CD300E: variants seen among roughly 807,000 people sequenced by gnomAD.
CD300E encodes the protein CMRF35-like molecule 2.
Under a neutral mutation model 20.9 loss-of-function variants are expected in CD300E, and 14 were observed. The observed-to-expected ratio is 0.67, with a 90% CI of 0.44 to 1.05. CD300E has a LOEUF of 1.05. CD300E is among the 50% of genes least tolerant of loss of function. The pLI, the probability that CD300E is intolerant of heterozygous loss-of-function variation, is 0.00. For missense variants in CD300E, 237 were observed against 253.9 expected (o/e 0.93, Z 0.45); for synonymous variants, 102 against 103.7 (o/e 0.98, Z 0.10).
chr17:74,612,900 A>G (rs2030815560), intron 3 of CD300E, 127 bp from the exon 4 acceptor site: 2 of 1,302,976 alleles, frequency 1.5e-6, no homozygotes, highest in Non-Finnish European at 2.1e-6. Flanking sequence ...GAAAGGACCT[A>G]TGCCAGGGCA....
intron 1 of CD300E, among the ~76,000 whole-genome samples, chr17:74,621,067 G>A (rs374496897): frequency 1.1e-4 from 16 of 151,912 alleles, no homozygotes; most frequent in African/African-American, 3.9e-4. Context: ...AAGAAGAAGA[G>A]GAAAGAAAAA....
chr17:74,622,784 G>C (rs2031048268), intron 1 of CD300E, among the ~76,000 whole-genome samples: 1 of 151,324 alleles, frequency 6.6e-6, no homozygotes, highest in Non-Finnish European at 1.5e-5. Context: ...ACCCAGGCCA[G>C]ACTGCTGCAG....
rs77873791 is a variant in CD300E, at chr17:74,617,155, G to A, written c.351C>T (p.Arg117=). 1.7e-4 allele frequency: 281 copies of A among 1,614,134 alleles called. 2 individuals are homozygous for A. The East Asian group carries it at 3.7e-3, about 21-fold the overall frequency. The part of the protein sequence containing the change: ...QTVWVLDSWS[R]DPSDLVRVYV... Reference sequence around the variant, plus strand: ...ACACCCTAACCAGGTCCGAGGGATCGCGTGACCATGAATCCAGGACCCACA... The same window carrying A: ...ACACCCTAACCAGGTCCGAGGGATCACGTGACCATGAATCCAGGACCCACA... The change falls in exon 2 of 4, where the codon CGC becomes CGT. Residue 117 remains arginine (R), a synonymous_variant. Transcript: ENST00000392619.
chr17:74,616,380 A>T (rs1455585400), intron 2 of CD300E, among the ~76,000 whole-genome samples: 8 of 152,134 alleles, frequency 5.3e-5, no homozygotes, highest in Non-Finnish European at 1.2e-4. Context: ...GAGAGTAGAA[A>T]ATAAAGGACA....
At position 74,611,608 on chromosome 17, in the gene CD300E, T is replaced by C. The variant is rs2030779741; in HGVS notation, c.*1045A>G. 1 of 152,322 alleles carries C rather than the reference T, an allele frequency of 6.6e-6. No individual in the cohort carries two copies. Among genetic ancestry groups the C allele is most frequent in the Admixed American group, 6.5e-5 (1 of 15,288 alleles). 9.4% of individuals were successfully genotyped at this position (152,322 alleles called of 1,614,324 possible). A position where few individuals can be genotyped will look rare whatever the true frequency, so the allele number is the denominator to read the frequency against. ...CTTCACCTCTGTGCCCTCCATCCTG[T>C]CTTTGAAAAACGATATCTGCTCTGC... On this transcript the variant is annotated 3_prime_UTR_variant, in exon 4 of 4. Coordinates refer to ENST00000392619, the MANE Select transcript of CD300E (RefSeq NM_181449.3).
intron 1 of CD300E, 148 bp from the exon 2 acceptor site, chr17:74,617,613 G>T: frequency 1.5e-6 from 1 of 678,176 alleles, no homozygotes; most frequent in Non-Finnish European, 2.5e-6. Flanking sequence ...TAGGACCTAA[G>T]CCAAAGAGTC....
Position 74,623,571 on chromosome 17 carries a change from G to GC in CD300E, c.40+10dup. 6.2e-7 allele frequency: 1 copy of GC among 1,613,996 alleles called. No individual in the cohort carries two copies. Among genetic ancestry groups the GC allele is most frequent in the South Asian group, 1.1e-5 (1 of 91,068 alleles). On this transcript the variant is annotated intron_variant, in intron 1 of 3. Transcript: ENST00000392619. ...GCAAAACCAAGTCCCCAAAGCCACA[G>GC]CCCCACTCACCTGAGAGGCAGAGAA...
Position 74,611,731 on chromosome 17 carries a change from G to A in CD300E, c.*922C>T, listed in dbSNP as rs2030782543. On this transcript the variant is annotated 3_prime_UTR_variant, in exon 4 of 4. Coordinates refer to ENST00000392619, the MANE Select transcript of CD300E (RefSeq NM_181449.3). ...CCTTGTGCATTGGACACCTCCAGGT[G>A]GGGGAATTCCAGGAGTGATATCAGG... is the stretch of plus-strand genomic sequence containing the variant. The A allele has an allele frequency of 1.3e-5, 2 of 152,352 alleles. No homozygotes were observed. Among genetic ancestry groups the A allele is most frequent in the Admixed American group, 6.5e-5 (1 of 15,292 alleles). The allele number at this position is 152,352 out of a possible 1,614,324, so 9.4% of individuals were successfully genotyped here.
In CD300E at chr17:74,613,175, G is replaced by A. The variant is rs550773962; in HGVS notation, c.498-402C>T. 5.9e-5 allele frequency among the ~76,000 whole-genome samples: 9 copies of A among 152,264 alleles called. No homozygotes were observed. In the South Asian group the frequency reaches 1.7e-3, roughly 28 times the overall value. ...GCTGGAGTGCAGTGGTGCAATCATG[G>A]CTCACTGCAGCCTTGACTTCCTGGG... On this transcript the variant is annotated intron_variant, in intron 3 of 3. Transcript: ENST00000392619.
At chr17:74,621,976 TC>T (rs775385347) in intron 1 of CD300E, among the ~76,000 whole-genome samples, 16 of 152,082 alleles carry the variant, frequency 1.1e-4, no homozygotes, top group Admixed American at 2.0e-4. Flanking sequence ...TTTTTACTTT[TC>T]TTTTTTTGTA....
chr17:74,613,900 T>C (rs754065247), intron 3 of CD300E, 25 bp downstream of exon 3: 18 of 1,561,038 alleles, frequency 1.2e-5, no homozygotes, highest in Non-Finnish European at 1.4e-5. Flanking sequence ...GCTCCCTCCA[T>C]GGCCTCCAGG....
chr17:74,618,209 A>G (rs980281125), intron 1 of CD300E, among the ~76,000 whole-genome samples: 9 of 152,250 alleles, frequency 5.9e-5, no homozygotes, highest in African/African-American at 2.2e-4. Flanking sequence ...GAGAAGGGAC[A>G]AGAAAGGCTG....
chr17:74,617,489 C>T, intron 1 of CD300E, 24 bp from the exon 2 acceptor site: 5 of 1,589,302 alleles, frequency 3.1e-6, no homozygotes, highest in Non-Finnish European at 4.3e-6. Context: ...GCCCGAGTCC[C>T]AAGTCTCCAT....
chr17:74,615,409 G>C (rs773339370), intron 2 of CD300E, among the ~76,000 whole-genome samples: 2 of 152,184 alleles, frequency 1.3e-5, no homozygotes, highest in East Asian at 3.8e-4. Flanking sequence ...TCCTCAACCC[G>C]AAAGGGAAAG....
chr17:74,623,688 C>T lies in CD300E; in HGVS notation c.-67G>A, dbSNP rs572219391. On this transcript the variant is annotated 5_prime_UTR_variant, in exon 1 of 4. Coordinates refer to ENST00000392619, the MANE Select transcript of CD300E (RefSeq NM_181449.3). ...CCAGCTGGAATCCAAGTATATGTAACGGAGCCTGGGTCATCCACTTTCTAC... is the reference window on the plus strand; with the variant it reads ...CCAGCTGGAATCCAAGTATATGTAATGGAGCCTGGGTCATCCACTTTCTAC... The T allele has an allele frequency of 6.4e-5, 99 of 1,544,390 alleles. No homozygotes were observed. Among genetic ancestry groups the T allele is most frequent in the South Asian group, 2.4e-4 (22 of 89,818 alleles).
In CD300E at chr17:74,612,241, C is replaced by CTG. The variant is rs1482952478; in HGVS notation, c.*411_*412insCA. ...TCTCTCTCGCTCTCTCTCTCTCTCTCTCTCTGTCTCTCTCTCTCTCTCTCT... is the reference window on the plus strand; with the variant it reads ...TCTCTCTCGCTCTCTCTCTCTCTCTCTGTCTCTGTCTCTCTCTCTCTCTCTCT... On this transcript the variant is annotated 3_prime_UTR_variant, in exon 4 of 4. Transcript: ENST00000392619. 204 of 121,856 alleles carry CTG rather than the reference C, an allele frequency of 1.7e-3. No homozygotes were observed. The highest frequency in any genetic ancestry group is 3.3e-3 in the African/African-American group (70 of 21,114). The allele number at this position is 121,856 out of a possible 1,614,324, so 7.5% of individuals were successfully genotyped here. A position where few individuals can be genotyped will look rare whatever the true frequency, so the allele number is the denominator to read the frequency against.
chr17:74,623,541 C>T, intron 1 of CD300E, 41 bp downstream of exon 1: 2 of 1,610,162 alleles, frequency 1.2e-6, no homozygotes, highest in East Asian at 4.5e-5. Flanking sequence ...ACTGTCCTGC[C>T]CCCTGCAAAA....
chr17:74,622,323 CAT>C, intron 1 of CD300E, among the ~76,000 whole-genome samples: 1 of 151,930 alleles, frequency 6.6e-6, no homozygotes, highest in East Asian at 2.0e-4. Flanking sequence ...AATGAGCAAA[CAT>C]TGGTTGAGTG....
Position 74,612,249 on chromosome 17 carries a change from C to CTCTCTG in CD300E, c.*403_*404insCAGAGA, listed in dbSNP as rs2030799232. On this transcript the variant is annotated 3_prime_UTR_variant, in exon 4 of 4. Transcript: ENST00000392619. ...GCTCTCTCTCTCTCTCTCTCTCTGT[C>CTCTCTG]TCTCTCTCTCTCTCTCTCTCTCTCT... The CTCTCTG allele has an allele frequency of 7.9e-5, 5 of 63,628 alleles. No homozygotes were observed. Among genetic ancestry groups the CTCTCTG allele is most frequent in the African/African-American group, 2.3e-4 (5 of 22,088 alleles). 3.9% of individuals were successfully genotyped at this position (63,628 alleles called of 1,614,324 possible).
Sources: allele counts gnomAD v4.1 joint callset (sites outside exome capture counted in the v4.1 genomes callset), GRCh38; gene constraint gnomAD v4.1.1; transcripts MANE v1.5; gene names NCBI Gene and HGNC (gene_info 2026-07-23, HGNC 2026-07-21).